Variants in ATRNL1 observed in about 807,000 individuals in gnomAD.
ATRNL1 encodes the protein attractin like 1.
A neutral mutation model predicts 182.7 loss-of-function variants in ATRNL1; 95 were observed. The observed-to-expected ratio is 0.52, with a 90% confidence interval of 0.44 to 0.62. The LOEUF is 0.62. Ranked by LOEUF, ATRNL1 falls within the 20% of genes least tolerant of loss-of-function variation. The pLI, the probability that ATRNL1 is intolerant of heterozygous loss-of-function variation, is 0.00. For missense variants in ATRNL1, 1,471 were observed against 1,679.5 expected (o/e 0.88, Z 2.17); for synonymous variants, 576 against 568.3 (o/e 1.01, Z -0.19).
At chr10:115,800,189 C>G (rs1555084013) in intron 27 of ATRNL1, among the ~76,000 whole-genome samples, 1 of 149,878 alleles carries the variant, frequency 6.7e-6, no homozygotes, top group Non-Finnish European at 1.5e-5. Flanking sequence ...CATTGCACTC[C>G]AGACTGGGCA....
At chr10:115,376,405 G>A in intron 19 of ATRNL1, among the ~76,000 whole-genome samples, 1 of 151,822 alleles carries the variant, frequency 6.6e-6, no homozygotes, top group East Asian at 1.9e-4. Context: ...CTCCTGCCTT[G>A]GCCTCCCCAA....
chr10:115,744,385 T>C (rs781995986), intron 27 of ATRNL1, among the ~76,000 whole-genome samples: 8 of 152,098 alleles, frequency 5.3e-5, no homozygotes, highest in Non-Finnish European at 1.2e-4. Flanking sequence ...GAATCTGCTG[T>C]TAAGGATGAC....
intron 20 of ATRNL1, among the ~76,000 whole-genome samples, chr10:115,419,376 T>A (rs1554961488): frequency 1.3e-5 from 2 of 151,826 alleles, no homozygotes; most frequent in African/African-American, 4.8e-5. Flanking sequence ...AAGGAAAAAA[T>A]ATCTAGACAA....
At chr10:115,113,650 C>T (rs1454494595) in intron 1 of ATRNL1, among the ~76,000 whole-genome samples, 1 of 152,152 alleles carries the variant, frequency 6.6e-6, no homozygotes, top group Non-Finnish European at 1.5e-5. Context: ...ATGACTTGCT[C>T]CTCCTTGCCT....
At chr10:115,309,364 CA>C (rs1422587845) in intron 17 of ATRNL1, among the ~76,000 whole-genome samples, 1 of 152,020 alleles carries the variant, frequency 6.6e-6, no homozygotes, top group African/African-American at 2.4e-5. Flanking sequence ...TTGTTTTGGG[CA>C]GTATGATTAT....
intron 26 of ATRNL1, among the ~76,000 whole-genome samples, chr10:115,723,726 T>C (rs911413772): frequency 2.6e-5 from 4 of 151,932 alleles, no homozygotes; most frequent in Non-Finnish European, 2.9e-5. Context: ...TTTATTTTTA[T>C]TTTTATTTTT....
At chr10:115,703,455 T>C (rs139854303) in intron 26 of ATRNL1, among the ~76,000 whole-genome samples, 63 of 151,830 alleles carry the variant, frequency 4.1e-4, no homozygotes, top group African/African-American at 1.4e-3. Flanking sequence ...AAAGAGAACA[T>C]TGTTATAAAT....
In ATRNL1 at chr10:115,583,190, G is replaced by C. The variant is rs528512772; in HGVS notation, c.3795+33654G>C. On this transcript the variant is annotated intron_variant, in intron 26 of 28. Transcript: ENST00000355044. ...GAAGTCAGGTAGTGTGATGCCTCCA[G>C]CTTTGTTCTTTTGGCTTAGGATTGA... Among the ~76,000 whole-genome samples the C allele has an allele frequency of 5.6e-3, 837 of 148,314 alleles. 20 individuals are homozygous for C. The highest frequency in any genetic ancestry group is 9.6e-3 in the Non-Finnish European group (638 of 66,512).
chr10:115,855,827 A>G (rs1391766964), intron 28 of ATRNL1, among the ~76,000 whole-genome samples: 1 of 152,232 alleles, frequency 6.6e-6, no homozygotes, highest in Non-Finnish European at 1.5e-5. Context: ...GAACATGAGA[A>G]TATTAGTGAA....
intron 9 of ATRNL1, among the ~76,000 whole-genome samples, chr10:115,222,688 A>G (rs1554897718): frequency 6.6e-6 from 1 of 152,188 alleles, no homozygotes; most frequent in Admixed American, 6.5e-5. Context: ...CTAAAATTCT[A>G]CATAATTAAA....
At chr10:115,250,490 G>A (rs1172648576) in intron 10 of ATRNL1, among the ~76,000 whole-genome samples, 1 of 152,130 alleles carries the variant, frequency 6.6e-6, no homozygotes, top group African/African-American at 2.4e-5. Context: ...AGAGTTGCAT[G>A]CAGGGTAGAC....
intron 22 of ATRNL1, among the ~76,000 whole-genome samples, chr10:115,466,510 A>C (rs1045420066): frequency 4.0e-5 from 6 of 151,276 alleles, no homozygotes; most frequent in Admixed American, 1.3e-4. Flanking sequence ...AAACATTTAA[A>C]GAAATCTCTT....
At chr10:115,840,223 A>G (rs1268124458) in intron 27 of ATRNL1, among the ~76,000 whole-genome samples, 3 of 152,070 alleles carry the variant, frequency 2.0e-5, no homozygotes, top group African/African-American at 4.8e-5. Flanking sequence ...TGGCATTGGG[A>G]TTAGATTTTT....
At chr10:115,618,807 C>T (rs1857569321) in intron 26 of ATRNL1, among the ~76,000 whole-genome samples, 1 of 152,026 alleles carries the variant, frequency 6.6e-6, no homozygotes. Flanking sequence ...TTTTGGTTTT[C>T]ATGCATTTAA....
intron 1 of ATRNL1, chr10:115,096,649 T>G: frequency 7.8e-7 from 1 of 1,288,752 alleles, no homozygotes; most frequent in Non-Finnish European, 1.0e-6. Context: ...CTATAGGGAT[T>G]TCGCCAGGGA....
intron 26 of ATRNL1, among the ~76,000 whole-genome samples, chr10:115,663,763 A>G (rs782452613): frequency 2.0e-5 from 3 of 152,094 alleles, no homozygotes; most frequent in Non-Finnish European, 4.4e-5. Flanking sequence ...TGTACACACA[A>G]ACTGGACCTG....
At chr10:115,475,455 A>G (rs1848487819) in intron 24 of ATRNL1, among the ~76,000 whole-genome samples, 1 of 151,368 alleles carries the variant, frequency 6.6e-6, no homozygotes, top group Non-Finnish European at 1.5e-5. Flanking sequence ...GTGTCAATGG[A>G]TTGCTTCTTA....
At chr10:115,822,407 G>A (rs2134286080) in intron 27 of ATRNL1, among the ~76,000 whole-genome samples, 1 of 152,264 alleles carries the variant, frequency 6.6e-6, no homozygotes, top group Non-Finnish European at 1.5e-5. Context: ...AAAGCTAGAA[G>A]AAGGTAAGAA....
At chr10:115,547,507 C>T (rs1168449236) in intron 25 of ATRNL1, among the ~76,000 whole-genome samples, 2 of 151,850 alleles carry the variant, frequency 1.3e-5, no homozygotes, top group African/African-American at 2.4e-5. Flanking sequence ...ATTTGGAAAT[C>T]ATTTAAATTG....
Sources: gnomAD v4.1 joint callset for allele counts (sites outside exome capture counted in the v4.1 genomes callset) on GRCh38, gnomAD v4.1.1 for gene constraint, MANE v1.5 for transcripts, NCBI Gene and HGNC (gene_info 2026-07-23, HGNC 2026-07-21) for gene names.